GALNT13: variants seen among roughly 807,000 people sequenced by gnomAD.
The protein encoded by GALNT13 is polypeptide N-acetylgalactosaminyltransferase 13.
Under a neutral mutation model 64.2 loss-of-function variants are expected in GALNT13, and 28 were observed. That is an observed-to-expected ratio of 0.44 (90% CI 0.32 to 0.60). The LOEUF (loss-of-function observed/expected upper bound fraction) is 0.60, where lower values mean the gene tolerates loss of function less well. Among genes scored for constraint, GALNT13 ranks in the 20% least tolerant of loss-of-function variants. The pLI, the probability that GALNT13 is intolerant of heterozygous loss-of-function variation, is 0.05. For synonymous variants in GALNT13, 214 were observed against 224.6 expected (o/e 0.95, Z 0.42); for missense variants, 577 against 669.8 (o/e 0.86, Z 1.53).
chr2:154,020,534 T>G (rs1697378036), intron 3 of GALNT13, among the ~76,000 whole-genome samples: 1 of 152,158 alleles, frequency 6.6e-6, no homozygotes, highest in Non-Finnish European at 1.5e-5. Flanking sequence ...TTCGCCCACT[T>G]TTTGATGGGG....
At chr2:154,426,871 G>T (rs1289977206) in intron 11 of GALNT13, among the ~76,000 whole-genome samples, 1 of 152,064 alleles carries the variant, frequency 6.6e-6, no homozygotes, top group African/African-American at 2.4e-5. Flanking sequence ...GAATTTCAAA[G>T]ACAAATTATT....
chr2:153,158,425 T>A, the GALNT13 span, among the ~76,000 whole-genome samples: 1 of 152,204 alleles, frequency 6.6e-6, no homozygotes, highest in Non-Finnish European at 1.5e-5. Flanking sequence ...AAATATTTTG[T>A]CATTACAAAA....
chr2:154,112,507 C>T (rs551382192), intron 3 of GALNT13, among the ~76,000 whole-genome samples: 29 of 152,198 alleles, frequency 1.9e-4, no homozygotes, highest in Non-Finnish European at 3.1e-4. Flanking sequence ...CATCCACATC[C>T]CTCTTCCCCA....
chr2:153,835,286 T>G, the GALNT13 span, among the ~76,000 whole-genome samples: 1 of 152,040 alleles, frequency 6.6e-6, no homozygotes, highest in African/African-American at 2.4e-5. Flanking sequence ...TAATCTTACA[T>G]GTTGTATCCC....
At chr2:154,056,125 A>G (rs1183162662) in intron 3 of GALNT13, among the ~76,000 whole-genome samples, 1 of 152,144 alleles carries the variant, frequency 6.6e-6, no homozygotes, top group Non-Finnish European at 1.5e-5. Context: ...CAATTTTTAT[A>G]TGCCTATTTA....
chr2:153,217,721 G>A, the GALNT13 span, among the ~76,000 whole-genome samples: 1 of 151,730 alleles, frequency 6.6e-6, no homozygotes, highest in African/African-American at 2.4e-5. Flanking sequence ...TACCCTACAT[G>A]TTTCCCCCTG....
chr2:154,214,802 T>C (rs1232727213), intron 4 of GALNT13, among the ~76,000 whole-genome samples: 1 of 152,142 alleles, frequency 6.6e-6, no homozygotes, highest in East Asian at 1.9e-4. Flanking sequence ...CTCAGGCAGT[T>C]ATTTATAGCA....
At chr2:154,031,908 A>G (rs913833826) in intron 3 of GALNT13, among the ~76,000 whole-genome samples, 20 of 151,982 alleles carry the variant, frequency 1.3e-4, no homozygotes, top group African/African-American at 4.8e-4. Flanking sequence ...AATAAGCACG[A>G]TCAGCCAATT....
chr2:154,096,807 A>G (rs1482307552), intron 3 of GALNT13, among the ~76,000 whole-genome samples: 1 of 152,012 alleles, frequency 6.6e-6, no homozygotes, highest in African/African-American at 2.4e-5. Flanking sequence ...AAATATCTGA[A>G]AAGGTCTTAA....
At chr2:153,990,751 C>T (rs1695107073) in intron 3 of GALNT13, among the ~76,000 whole-genome samples, 1 of 152,152 alleles carries the variant, frequency 6.6e-6, no homozygotes, top group South Asian at 2.1e-4. Flanking sequence ...GTGCACTTTC[C>T]TAGCCATACA....
chr2:153,202,231 G>C, the GALNT13 span, among the ~76,000 whole-genome samples: 1 of 151,674 alleles, frequency 6.6e-6, no homozygotes, highest in Admixed American at 6.6e-5. Context: ...TGATCCACCC[G>C]CCTCGGCCTC....
the GALNT13 span, among the ~76,000 whole-genome samples, chr2:153,530,483 A>C: frequency 2.0e-5 from 3 of 152,174 alleles, no homozygotes; most frequent in Non-Finnish European, 4.4e-5. Context: ...TCCCTTTCAA[A>C]ATACCAAAGA....
intron 3 of GALNT13, among the ~76,000 whole-genome samples, chr2:154,060,646 C>T (rs12693908): frequency 0.57 from 85,910 of 151,998 alleles, 26,108 homozygotes; most frequent in Middle Eastern, 0.7. Context: ...CGTGAGCCAC[C>T]GCACCTAAGG....
the GALNT13 span, among the ~76,000 whole-genome samples, chr2:153,601,021 T>C: frequency 5.9e-5 from 9 of 151,900 alleles, no homozygotes; most frequent in Non-Finnish European, 8.8e-5. Context: ...CATATGTATA[T>C]TATGACTGGA....
chr2:153,578,283 T>C, the GALNT13 span, among the ~76,000 whole-genome samples: 1 of 152,216 alleles, frequency 6.6e-6, no homozygotes, highest in Non-Finnish European at 1.5e-5. Context: ...ATAGCATATA[T>C]AAAATGAATT....
the GALNT13 span, among the ~76,000 whole-genome samples, chr2:153,505,114 G>A: frequency 1.3e-5 from 2 of 152,046 alleles, no homozygotes; most frequent in African/African-American, 4.8e-5. Flanking sequence ...TAGGAGGGTT[G>A]TATATTTCCA....
chr2:154,451,823 T>G lies in GALNT13; in HGVS notation c.*1272T>G, dbSNP rs917422835. 1 of 152,236 alleles carries G rather than the reference T, an allele frequency of 6.6e-6. No individual in the cohort carries two copies. Among genetic ancestry groups the G allele is most frequent in the Middle Eastern group, 3.4e-3 (1 of 294 alleles). 9.4% of individuals were successfully genotyped at this position (152,236 alleles called of 1,614,324 possible). On this transcript the variant is annotated 3_prime_UTR_variant, in exon 13 of 13. Transcript: ENST00000392825. Reference sequence around the variant, plus strand: ...ATTTTAAATGCTCAAAGAGTTGCCCTATATATGCATGTTATCCATTATAAA... The same window carrying G: ...ATTTTAAATGCTCAAAGAGTTGCCCGATATATGCATGTTATCCATTATAAA...
intron 9 of GALNT13, among the ~76,000 whole-genome samples, chr2:154,324,823 G>A (rs556001987): frequency 6.6e-6 from 1 of 152,206 alleles, no homozygotes; most frequent in South Asian, 2.1e-4. Context: ...CTTGGCACCA[G>A]CCAGTGAGTC....
At chr2:153,708,527 C>A in the GALNT13 span, among the ~76,000 whole-genome samples, 1 of 152,084 alleles carries the variant, frequency 6.6e-6, no homozygotes. Context: ...ATCAGGTGAA[C>A]TAATCACCTT....
Sources: gnomAD v4.1 joint callset for allele counts (sites outside exome capture counted in the v4.1 genomes callset) on GRCh38, gnomAD v4.1.1 for gene constraint, MANE v1.5 for transcripts, NCBI Gene and HGNC (gene_info 2026-07-23, HGNC 2026-07-21) for gene names.